The following MSI2 variants were observed in gnomAD, a reference collection of about 807,000 sequenced individuals.
MSI2 encodes the protein RNA-binding protein Musashi homolog 2.
Under a neutral mutation model 45.6 loss-of-function variants are expected in MSI2, and 17 were observed. The observed-to-expected ratio is 0.37, with a 90% CI of 0.26 to 0.56. MSI2 has a LOEUF of 0.56. MSI2 is among the 20% of genes least tolerant of loss of function. The pLI is 0.77. For missense variants in MSI2, 293 were observed against 444.2 expected, an observed-to-expected ratio of 0.66 and a Z score of 3.06; for synonymous variants, 156 against 158.2, an observed-to-expected ratio of 0.99 and a Z score of 0.11.
At chr17:57,326,026 T>A (rs1913760876) in intron 5 of MSI2, among the ~76,000 whole-genome samples, 1 of 152,134 alleles carries the variant, frequency 6.6e-6, no homozygotes, top group African/African-American at 2.4e-5. Flanking sequence ...TCAGTGGGGC[T>A]CCCTTTTTTC....
At chr17:57,698,892 AGTGTGTGTGTGT>A in the MSI2 span, among the ~76,000 whole-genome samples, 361 of 118,690 alleles carry the variant, frequency 3.0e-3, 2 homozygotes, top group Middle Eastern at 8.3e-3. Context: ...GATACAAGGA[AGTGTGTGTGTGT>A]GTGTGTGTGT....
intron 6 of MSI2, among the ~76,000 whole-genome samples, chr17:57,461,223 T>C (rs2085220922): frequency 6.6e-6 from 1 of 152,104 alleles, no homozygotes; most frequent in African/African-American, 2.4e-5. Context: ...TGTCACCCAC[T>C]CTTCTCTGGG....
intron 7 of MSI2, among the ~76,000 whole-genome samples, chr17:57,583,381 C>CACT (rs2088255211): frequency 6.6e-6 from 1 of 152,056 alleles, no homozygotes. Context: ...CATGTGAAGG[C>CACT]ACTGGGATTA....
intron 5 of MSI2, among the ~76,000 whole-genome samples, chr17:57,313,575 C>G (rs1315155965): frequency 6.6e-6 from 1 of 152,112 alleles, no homozygotes; most frequent in Non-Finnish European, 1.5e-5. Context: ...AAAACAAAAC[C>G]CAGCTCAAAA....
chr17:57,498,751 A>G (rs1476182402), intron 6 of MSI2, among the ~76,000 whole-genome samples: 3 of 150,650 alleles, frequency 2.0e-5, no homozygotes, highest in Admixed American at 2.0e-4. Context: ...AGTTCATGGA[A>G]CCTTTCTTTC....
chr17:57,606,649 A>G (rs1598443976), intron 8 of MSI2, among the ~76,000 whole-genome samples: 1 of 152,036 alleles, frequency 6.6e-6, no homozygotes, highest in Non-Finnish European at 1.5e-5. Context: ...CTGTGTCCAC[A>G]CCCAGCCGCT....
At chr17:57,324,715 C>T (rs1235386184) in intron 5 of MSI2, among the ~76,000 whole-genome samples, 1 of 152,198 alleles carries the variant, frequency 6.6e-6, no homozygotes, top group Admixed American at 6.5e-5. Context: ...CCATCCTGGA[C>T]CTTTCCCTCC....
At chr17:57,413,460 G>C (rs540844702) in intron 6 of MSI2, among the ~76,000 whole-genome samples, 1 of 151,868 alleles carries the variant, frequency 6.6e-6, no homozygotes, top group African/African-American at 2.4e-5. Context: ...GAGTTCTTCT[G>C]GGTGGATCCT....
At chr17:57,693,118 T>A in the MSI2 span, among the ~76,000 whole-genome samples, 1 of 152,232 alleles carries the variant, frequency 6.6e-6, no homozygotes, top group South Asian at 2.1e-4. Flanking sequence ...ACCTCTTGGG[T>A]ACTCTTTTTT....
chr17:57,505,317 C>A (rs1276326716), intron 6 of MSI2, among the ~76,000 whole-genome samples: 3 of 151,960 alleles, frequency 2.0e-5, no homozygotes, highest in Non-Finnish European at 2.9e-5. Flanking sequence ...ATGGATGACG[C>A]CCTGGAGTTT....
chr17:57,256,446 A>C, upstream of MSI2: 1 of 121,302 alleles, frequency 8.2e-6, no homozygotes, highest in East Asian at 1.7e-4. Flanking sequence ...GAGGAGGGGG[A>C]GGAGGAGGAG....
At chr17:57,471,220 G>A (rs1157358170) in intron 6 of MSI2, among the ~76,000 whole-genome samples, 2 of 149,612 alleles carry the variant, frequency 1.3e-5, no homozygotes, top group African/African-American at 2.5e-5. Context: ...AAGGTTTCTC[G>A]AATCAAGCTG....
rs117328417 is a variant in MSI2 at position 57,458,560 on chromosome 17, A to G, written c.405+57089A>G. On this transcript the variant is annotated intron_variant, in intron 6 of 13. Transcript: ENST00000284073. ...GGAAGCTGACAGCCTCATTGCTGAT[A>G]TCTTCTTCAGGAGCACAAAGTCTCT... 8.1e-3 allele frequency among the ~76,000 whole-genome samples: 1,230 copies of G among 152,276 alleles called. 6 individuals carry two copies. The highest frequency in any genetic ancestry group is 0.017 in the South Asian group (81 of 4,830).
intron 6 of MSI2, among the ~76,000 whole-genome samples, chr17:57,514,715 C>A (rs1013028608): frequency 6.7e-6 from 1 of 148,340 alleles, no homozygotes; most frequent in African/African-American, 2.5e-5. Context: ...TTTTTTCCCC[C>A]TTAGGGTGTT....
chr17:57,494,011 C>T (rs1273733914), intron 6 of MSI2, among the ~76,000 whole-genome samples: 3 of 152,268 alleles, frequency 2.0e-5, no homozygotes, highest in Admixed American at 2.0e-4. Context: ...TGCTCTTGTA[C>T]CCTCGGGGTT....
At chr17:57,617,440 T>A (rs558541447) in intron 9 of MSI2, among the ~76,000 whole-genome samples, 2 of 152,210 alleles carry the variant, frequency 1.3e-5, no homozygotes, top group East Asian at 3.8e-4. Flanking sequence ...TATATGGGAA[T>A]GCACCAGTTG....
chr17:57,472,799 T>C (rs1180717642), intron 6 of MSI2, among the ~76,000 whole-genome samples: 1 of 152,196 alleles, frequency 6.6e-6, no homozygotes, highest in Admixed American at 6.5e-5. Flanking sequence ...AGCTACCTTC[T>C]ACCCTGCAGC....
chr17:57,318,121 C>T (rs1344739443), intron 5 of MSI2, among the ~76,000 whole-genome samples: 2 of 152,040 alleles, frequency 1.3e-5, no homozygotes, highest in African/African-American at 2.4e-5. Context: ...TGCACTCCAA[C>T]CTGGGTGACA....
chr17:57,669,265 G>T (rs1372703970), intron 11 of MSI2, among the ~76,000 whole-genome samples: 1 of 152,232 alleles, frequency 6.6e-6, no homozygotes, highest in Non-Finnish European at 1.5e-5. Context: ...GCCTTTGGCT[G>T]CCCAGTTGCT....
Sources: gnomAD v4.1 joint callset for allele counts (sites outside exome capture counted in the v4.1 genomes callset) on GRCh38, gnomAD v4.1.1 for gene constraint, MANE v1.5 for transcripts, NCBI Gene and HGNC (gene_info 2026-07-23, HGNC 2026-07-21) for gene names.